COL18A1: variants seen among roughly 807,000 people sequenced by gnomAD.
The protein encoded by COL18A1 is collagen alpha-1(XVIII) chain.
A neutral mutation model predicts 168.0 loss-of-function variants in COL18A1; 133 were observed. The observed-to-expected ratio is 0.79, with a 90% confidence interval of 0.69 to 0.91. COL18A1 has a LOEUF of 0.91. COL18A1 is among the 40% of genes least tolerant of loss of function. COL18A1 has a pLI of 0.00. For synonymous variants in COL18A1, 949 were observed against 809.0 expected, an observed-to-expected ratio of 1.17 and a Z score of -2.94; for missense variants, 2,126 against 1,925.4, an observed-to-expected ratio of 1.10 and a Z score of -1.95.
chr21:45,453,679 GT>G (rs2145845815), intron 2 of COL18A1, among the ~76,000 whole-genome samples: 2 of 152,270 alleles, frequency 1.3e-5, no homozygotes, highest in African/African-American at 4.8e-5. Context: ...GAAGGGTGGG[GT>G]CAGGAATGGA....
At chr21:45,409,618 A>G (rs898615183) in intron 2 of COL18A1, among the ~76,000 whole-genome samples, 30 of 152,316 alleles carry the variant, frequency 2.0e-4, no homozygotes, top group African/African-American at 7.2e-4. Context: ...CCAGGCGGTC[A>G]TAGGCCAGGA....
In COL18A1 at chr21:45,473,166, CGT is replaced by C. The variant is rs768367271; in HGVS notation, c.652-728_652-727del. On this transcript the variant is annotated intron_variant, in intron 3 of 41. Transcript: ENST00000651438. The surrounding 1 kb of genome is among the most constrained non-coding windows in gnomAD (Gnocchi z 4.0). ...CAAGCTACCCGCTTGAGGCTTAGGA[CGT>C]TGCGCCCTCCTGTGTCCTTGCCCAG... 1.3e-5 allele frequency among the ~76,000 whole-genome samples: 2 copies of C among 152,232 alleles called. No homozygotes were observed. Among genetic ancestry groups the C allele is most frequent in the African/African-American group, 2.4e-5 (1 of 41,474 alleles).
chr21:45,437,782 T>A (rs865836372), intron 2 of COL18A1, among the ~76,000 whole-genome samples: 41 of 22,170 alleles, frequency 1.8e-3, no homozygotes, highest in Non-Finnish European at 2.2e-3. Context: ...ACACACACAC[T>A]CACTCACACA....
chr21:45,416,212 A>G (rs1229518791), intron 2 of COL18A1, among the ~76,000 whole-genome samples: 5 of 152,044 alleles, frequency 3.3e-5, no homozygotes, highest in Non-Finnish European at 5.9e-5. Context: ...GGGAATGGGG[A>G]CCTTCTCTGA....
chr21:45,509,940 C>A lies in COL18A1; in HGVS notation c.3496-124C>A, dbSNP rs370147371. On this transcript the variant is annotated intron_variant, in intron 39 of 41. Coordinates refer to ENST00000651438, the MANE Select transcript of COL18A1 (RefSeq NM_001379500.1). ...GGCCCCTCAGTGTGTCACTTGCGCG[C>A]CTCCCGCTCAGCGCCCCTCGGCCGT... 337 of 1,142,024 alleles carry A rather than the reference C, an allele frequency of 3.0e-4. 4 individuals are homozygous for A. Among genetic ancestry groups the A allele is most frequent in the Middle Eastern group, 2.9e-3 (10 of 3,456 alleles). 70.7% of individuals were successfully genotyped at this position (1,142,024 alleles called of 1,614,324 possible). A position where few individuals can be genotyped will look rare whatever the true frequency, so the allele number is the denominator to read the frequency against.
intron 2 of COL18A1, among the ~76,000 whole-genome samples, chr21:45,448,921 G>A (rs1037496405): frequency 6.6e-6 from 1 of 152,154 alleles, no homozygotes; most frequent in Admixed American, 6.5e-5. Context: ...TTCTATGGGG[G>A]TGTCTGACCC....
intron 2 of COL18A1, among the ~76,000 whole-genome samples, chr21:45,410,550 G>A (rs550378853): frequency 3.3e-5 from 5 of 152,366 alleles, no homozygotes; most frequent in African/African-American, 9.6e-5. Context: ...ACCCACCCCC[G>A]CAGCCGTTTG....
intron 38 of COL18A1, 67 bp from the exon 39 acceptor site, chr21:45,509,289 G>A (rs1304267784): frequency 5.2e-6 from 8 of 1,531,200 alleles, no homozygotes; most frequent in Admixed American, 3.9e-5. Flanking sequence ...CCCAGAGGAG[G>A]ACACAGATGG....
At chr21:45,506,973 T>G in intron 37 of COL18A1, 1 of 272,198 alleles carries the variant, frequency 3.7e-6, no homozygotes, top group Non-Finnish European at 7.4e-6. Flanking sequence ...GGTGTGCTTG[T>G]AGGCACCCGG....
chr21:45,493,328 G>A (rs948024981), intron 25 of COL18A1, 103 bp downstream of exon 25: 3 of 1,390,328 alleles, frequency 2.2e-6, no homozygotes, highest in Non-Finnish European at 3.0e-6. Context: ...CCCCCCGGCT[G>A]CTGCTGTGAC....
intron 2 of COL18A1, among the ~76,000 whole-genome samples, chr21:45,465,282 C>T (rs977576828): frequency 2.0e-5 from 3 of 152,228 alleles, no homozygotes; most frequent in Non-Finnish European, 2.9e-5. Flanking sequence ...TTTGGGTCAG[C>T]GCTGACGGTG....
intron 2 of COL18A1, among the ~76,000 whole-genome samples, chr21:45,442,758 A>G (rs574210342): frequency 0.017 from 718 of 42,898 alleles, 19 homozygotes; most frequent in Middle Eastern, 0.038. Flanking sequence ...TGGTGTGGGC[A>G]GCGGTGCTGG....
At chr21:45,507,728 C>A in intron 38 of COL18A1, 135 bp downstream of exon 38, 1 of 833,922 alleles carries the variant, frequency 1.2e-6, no homozygotes, top group Non-Finnish European at 2.0e-6. Flanking sequence ...TCAGCCCCTG[C>A]TGCAGAAACT....
chr21:45,510,959 A>G, intron 40 of COL18A1, 152 bp from the exon 41 acceptor site: 1 of 88,402 alleles, frequency 1.1e-5, no homozygotes. Flanking sequence ...ACAACACCCC[A>G]CATACACCCC....
intron 26 of COL18A1, 79 bp from the exon 27 acceptor site, chr21:45,494,466 C>T (rs545360475): frequency 2.2e-5 from 36 of 1,603,148 alleles, no homozygotes; most frequent in Middle Eastern, 3.4e-4. Context: ...ACCGTGCCTT[C>T]GCCACAGGGG....
At chr21:45,489,656 C>T (rs982316474) in intron 19 of COL18A1, 135 bp downstream of exon 19, 21 of 657,388 alleles carry the variant, frequency 3.2e-5, no homozygotes, top group African/African-American at 2.2e-4. Context: ...TAATTGAAGA[C>T]GTGCTGGTTT....
At chr21:45,435,140 C>T (rs1399685619) in intron 2 of COL18A1, among the ~76,000 whole-genome samples, 1 of 150,988 alleles carries the variant, frequency 6.6e-6, no homozygotes, top group Non-Finnish European at 1.5e-5. Context: ...AACCCGCCCT[C>T]CTGGGGACAG....
In COL18A1 at chr21:45,451,318, C is replaced by G. The variant is rs1205140405; in HGVS notation, c.107-16924C>G. Among the ~76,000 whole-genome samples, 5 of 152,358 alleles carry G rather than the reference C, an allele frequency of 3.3e-5. No individual in the cohort carries two copies. In the South Asian group the frequency reaches 1.0e-3, roughly 32 times the overall value. On this transcript the variant is annotated intron_variant, in intron 2 of 41. Transcript: ENST00000651438. ...AACCCAAGGTCAAACTCCACACGCA[C>G]TGGGACAGGCTGTGATGATGTGCAA...
rs1305125905 is a variant in COL18A1, at chr21:45,463,083, G to A, written c.107-5159G>A. Among the ~76,000 whole-genome samples the A allele has an allele frequency of 6.6e-6, 1 of 152,140 alleles. No homozygotes were observed. On this transcript the variant is annotated intron_variant, in intron 2 of 41. Coordinates refer to ENST00000651438, the MANE Select transcript of COL18A1 (RefSeq NM_001379500.1). This position sits in a 1 kb window ranked among gnomAD's most constrained non-coding sequence, Gnocchi z 4.0. ...CTTTCATGTTTGGCTCCCAAAGGAG[G>A]AATAAGATAAAAATGAGGGAGAAAA...
Sources: allele counts gnomAD v4.1 joint callset (sites outside exome capture counted in the v4.1 genomes callset), GRCh38; gene constraint gnomAD v4.1.1; non-coding constraint Gnocchi (gnomAD v3.1); transcripts MANE v1.5; gene names NCBI Gene and HGNC (gene_info 2026-07-23, HGNC 2026-07-21).